WWOX: variants seen among roughly 807,000 people sequenced by gnomAD.
WWOX encodes the protein WW domain containing oxidoreductase, also known as WW domain-containing oxidoreductase.
In WWOX, 69 loss-of-function variants were observed where a neutral mutation model predicts 46.2. The ratio of observed to expected loss-of-function variants is 1.49; its 90% CI spans 1.23 to 1.82. The LOEUF (loss-of-function observed/expected upper bound fraction) is 1.82. Ranked by LOEUF, WWOX falls within the 40% of genes most tolerant of loss-of-function variation. The probability of loss-of-function intolerance (pLI) is 0.00; values close to 1 mark genes in which losing one functional copy is unlikely to be tolerated. For synonymous variants in WWOX, 359 were observed against 202.6 expected (o/e 1.77, Z -6.56); for missense variants, 919 against 542.6 (o/e 1.69, Z -6.89).
intron 5 of WWOX, among the ~76,000 whole-genome samples, chr16:78,203,964 T>C (rs2036312904): frequency 6.6e-6 from 1 of 152,118 alleles, no homozygotes; most frequent in Non-Finnish European, 1.5e-5. Context: ...TTCTGGAGAG[T>C]TGATGGGTAA....
chr16:78,168,997 G>T (rs545106535), intron 5 of WWOX, among the ~76,000 whole-genome samples: 543 of 152,100 alleles, frequency 3.6e-3, no homozygotes, highest in Non-Finnish European at 6.4e-3. Flanking sequence ...TGTCTTAAAA[G>T]GCCAATCCAT....
intron 5 of WWOX, among the ~76,000 whole-genome samples, chr16:78,332,247 C>G (rs1340483605): frequency 6.6e-6 from 1 of 152,164 alleles, no homozygotes; most frequent in South Asian, 2.1e-4. Flanking sequence ...AATCCCAGAT[C>G]CCAGATGGAT....
chr16:78,387,121 C>A (rs770634527), intron 6 of WWOX, among the ~76,000 whole-genome samples, 173 bp downstream of exon 6: 1 of 152,158 alleles, frequency 6.6e-6, no homozygotes, highest in African/African-American at 2.4e-5. Flanking sequence ...CTCACAGTCA[C>A]CTTCATTATG....
At chr16:78,660,348 G>T (rs1231288498) in intron 8 of WWOX, among the ~76,000 whole-genome samples, 1 of 152,084 alleles carries the variant, frequency 6.6e-6, no homozygotes, top group African/African-American at 2.4e-5. Flanking sequence ...TATTTGAGGA[G>T]GTATGTTGTG....
At chr16:79,190,810 G>A (rs1203665682) in intron 8 of WWOX, among the ~76,000 whole-genome samples, 1 of 152,200 alleles carries the variant, frequency 6.6e-6, no homozygotes, top group African/African-American at 2.4e-5. Flanking sequence ...CAGTAGCAAA[G>A]TTGAGTACTT....
chr16:79,102,442 G>C (rs559208526), intron 8 of WWOX, among the ~76,000 whole-genome samples: 3 of 152,156 alleles, frequency 2.0e-5, no homozygotes, highest in African/African-American at 7.2e-5. Context: ...TACACTGCTA[G>C]GAGCCATTGG....
At chr16:79,023,634 A>G (rs1263743645) in intron 8 of WWOX, among the ~76,000 whole-genome samples, 1 of 152,104 alleles carries the variant, frequency 6.6e-6, no homozygotes, top group South Asian at 2.1e-4. Flanking sequence ...AACCTCAAAC[A>G]TTACGCTGGA....
intron 8 of WWOX, among the ~76,000 whole-genome samples, chr16:78,818,805 C>T (rs532659114): frequency 3.2e-4 from 49 of 152,300 alleles, no homozygotes; most frequent in Non-Finnish European, 5.6e-4. Flanking sequence ...AGCCAGTATA[C>T]GTAATTCCAA....
chr16:78,825,576 C>G (rs1431511873), intron 8 of WWOX: 1 of 533,550 alleles, frequency 1.9e-6, no homozygotes, highest in Non-Finnish European at 3.8e-6. Context: ...TGTGCCATTG[C>G]CCAGGTCGAG....
At chr16:79,145,529 C>A (rs142179488) in intron 8 of WWOX, among the ~76,000 whole-genome samples, 2 of 152,060 alleles carry the variant, frequency 1.3e-5, no homozygotes, top group Non-Finnish European at 1.5e-5. Flanking sequence ...ACTGTAAAAT[C>A]GTGAAATGTT....
At chr16:78,568,819 A>G (rs746195487) in intron 8 of WWOX, among the ~76,000 whole-genome samples, 10 of 152,164 alleles carry the variant, frequency 6.6e-5, no homozygotes, top group African/African-American at 1.9e-4. Flanking sequence ...AGCTGTCACA[A>G]TATTAATACT....
intron 8 of WWOX, among the ~76,000 whole-genome samples, chr16:78,887,837 A>C (rs1172925704): frequency 6.6e-5 from 10 of 152,206 alleles, no homozygotes; most frequent in Admixed American, 6.5e-4. Flanking sequence ...CTGTCTCTTT[A>C]AGTGTTTAAC....
chr16:78,406,455 CGA>C (rs1567553585), intron 6 of WWOX, among the ~76,000 whole-genome samples: 1 of 149,020 alleles, frequency 6.7e-6, no homozygotes, highest in Non-Finnish European at 1.5e-5. Flanking sequence ...CGGGTTCAAG[CGA>C]TTCCCCTGCC....
chr16:79,052,133 C>G (rs2048179682), intron 8 of WWOX, among the ~76,000 whole-genome samples: 1 of 151,864 alleles, frequency 6.6e-6, no homozygotes, highest in Non-Finnish European at 1.5e-5. Flanking sequence ...TGGTGCGCTG[C>G]ACCCACTAAC....
intron 8 of WWOX, among the ~76,000 whole-genome samples, chr16:78,873,670 A>G (rs1458914608): frequency 6.6e-6 from 1 of 152,148 alleles, no homozygotes; most frequent in Non-Finnish European, 1.5e-5. Context: ...CATGCCTGTC[A>G]TCCCAGCTAC....
intron 5 of WWOX, among the ~76,000 whole-genome samples, chr16:78,253,060 T>G (rs1249945176): frequency 6.6e-6 from 1 of 152,196 alleles, no homozygotes; most frequent in Admixed American, 6.5e-5. Context: ...TCGGAACAAT[T>G]GTTCAAATTT....
intron 8 of WWOX, among the ~76,000 whole-genome samples, chr16:78,794,931 C>G (rs537175215): frequency 6.6e-6 from 1 of 152,332 alleles, no homozygotes; most frequent in South Asian, 2.1e-4. Flanking sequence ...TGGCATACTG[C>G]AAATATCTAT....
chr16:78,504,736 G>C (rs967313243), intron 8 of WWOX, among the ~76,000 whole-genome samples: 28 of 152,024 alleles, frequency 1.8e-4, no homozygotes, highest in Admixed American at 7.9e-4. Flanking sequence ...GCTGGTCATG[G>C]GGCTTGGAAC....
intron 8 of WWOX, among the ~76,000 whole-genome samples, chr16:78,881,656 T>A (rs57166755): frequency 0.014 from 2,178 of 152,334 alleles, 49 homozygotes; most frequent in African/African-American, 0.049. Flanking sequence ...CTCCATTGTG[T>A]TAAATACAGA....
Sources: gnomAD v4.1 joint callset for allele counts (sites outside exome capture counted in the v4.1 genomes callset) on GRCh38, gnomAD v4.1.1 for gene constraint, MANE v1.5 for transcripts, NCBI Gene and HGNC (gene_info 2026-07-23, HGNC 2026-07-21) for gene names.